NCKAP1: variants seen among roughly 807,000 people sequenced by gnomAD.
NCKAP1 encodes nck-associated protein 1.
In NCKAP1, 21 loss-of-function variants were observed where a neutral mutation model predicts 151.2. That is an observed-to-expected ratio of 0.14 (90% CI 0.10 to 0.20). NCKAP1 has a LOEUF of 0.20. Among genes scored for constraint, NCKAP1 ranks in the 10% least tolerant of loss-of-function variants. The pLI is 1.00. For missense variants in NCKAP1, 933 were observed against 1,352.1 expected (o/e 0.69, Z 4.86); for synonymous variants, 484 against 451.8 (o/e 1.07, Z -0.90).
intron 2 of NCKAP1, among the ~76,000 whole-genome samples, chr2:183,015,660 A>C (rs1027339790): frequency 6.6e-6 from 1 of 152,032 alleles, no homozygotes; most frequent in Non-Finnish European, 1.5e-5. Flanking sequence ...TTTAAGGCTA[A>C]ATATATTATT....
Position 182,934,160 on chromosome 2 carries a change from CGGA to C in NCKAP1, c.2859+589_2859+591del, listed in dbSNP as rs1696824062. 4.0e-5 allele frequency among the ~76,000 whole-genome samples: 6 copies of C among 150,868 alleles called. No homozygotes were observed. The South Asian group carries it at 1.3e-3, about 32-fold the overall frequency. On this transcript the variant is annotated intron_variant, in intron 26 of 30. Coordinates refer to ENST00000361354, the MANE Select transcript of NCKAP1 (RefSeq NM_013436.5). Reference sequence around the variant, plus strand: ...CTTCATCTTTCTTTTTTTTTTGAGACGGAGTCTCATTCTGTTGCCCAGGCTAGA... The same window carrying C: ...CTTCATCTTTCTTTTTTTTTTGAGACGTCTCATTCTGTTGCCCAGGCTAGA...
At chr2:183,016,235 T>A (rs1698685322) in intron 2 of NCKAP1, among the ~76,000 whole-genome samples, 1 of 152,100 alleles carries the variant, frequency 6.6e-6, no homozygotes, top group Non-Finnish European at 1.5e-5. Flanking sequence ...TGGGCAAAAA[T>A]AAAAAACAAA....
chr2:183,004,488 C>CAAAAAAAAAAAAAAAAAAAAAAAGAAA (rs34055584), intron 2 of NCKAP1, among the ~76,000 whole-genome samples: 1 of 78,822 alleles, frequency 1.3e-5, no homozygotes, highest in African/African-American at 4.0e-5. Context: ...AAACAGCAAG[C>CAAAAAAAAAAAAAAAAAAAAAAAGAAA]AAAAAAAAAA....
chr2:182,987,850 A>T (rs527747921), intron 9 of NCKAP1, among the ~76,000 whole-genome samples: 31 of 152,308 alleles, frequency 2.0e-4, no homozygotes, highest in African/African-American at 7.5e-4. Context: ...ATGGTGACAG[A>T]AATCAGAATA....
intron 24 of NCKAP1, among the ~76,000 whole-genome samples, chr2:182,938,765 G>A (rs992283065): frequency 2.0e-5 from 3 of 152,140 alleles, no homozygotes; most frequent in African/African-American, 7.2e-5. Flanking sequence ...ACAGCATAAG[G>A]GAGAATGCAC....
chr2:183,006,435 A>G (rs931653038), intron 2 of NCKAP1, among the ~76,000 whole-genome samples: 6 of 152,240 alleles, frequency 3.9e-5, no homozygotes. Flanking sequence ...TACCCATAGT[A>G]TTTCTAATAA....
In NCKAP1 at chr2:182,912,463, C is replaced by T. The variant is rs1315940415; in HGVS notation, c.*13239G>A. ...CCATCTTTTAGCACATTATAATAAT[C>T]CTGTTGTGCAGTACTCCTTTCCAAT... On this transcript the variant is annotated 3_prime_UTR_variant, in exon 31 of 31. Coordinates refer to ENST00000361354, the MANE Select transcript of NCKAP1 (RefSeq NM_013436.5). 6.6e-6 allele frequency: 1 copy of T among 152,134 alleles called. No individual in the cohort carries two copies. Among genetic ancestry groups the T allele is most frequent in the Non-Finnish European group, 1.5e-5 (1 of 68,030 alleles). The allele number at this position is 152,134 out of a possible 1,614,324, so 9.4% of individuals were successfully genotyped here.
At chr2:183,031,441 G>T (rs1699002279) in intron 1 of NCKAP1, among the ~76,000 whole-genome samples, 1 of 152,122 alleles carries the variant, frequency 6.6e-6, no homozygotes, top group African/African-American at 2.4e-5. Context: ...GGACTACTGT[G>T]GAACACATAC....
chr2:182,983,305 G>A lies in NCKAP1; in HGVS notation c.1082C>T (p.Pro361Leu). 6.2e-7 allele frequency: 1 copy of A among 1,610,290 alleles called. No individual in the cohort carries two copies. Among genetic ancestry groups the A allele is most frequent in the Non-Finnish European group, 8.5e-7 (1 of 1,176,798 alleles). The change falls in exon 11 of 31, where the codon CCT (proline) becomes CTT (leucine). Residue 361 changes from proline to leucine, a missense_variant. Pro to Leu is a moderately conservative substitution (Grantham distance 98). Transcript: ENST00000361354. ...AATTACCTTGGGACCTAGCAATCCA[G>A]GTTGATCAGAGAGGACAGTAGCCAA... Reference protein sequence around the residue: ...KELATVLSDQPGLLGPKALFV... With the variant: ...KELATVLSDQLGLLGPKALFV...
At position 182,952,398 on chromosome 2, in the gene NCKAP1, A is replaced by G. The variant is rs113141234; in HGVS notation, c.2601+7T>C. On this transcript the variant is annotated splice_region_variant and intron_variant, in intron 23 of 30. Transcript: ENST00000361354. The stretch of plus-strand genomic sequence containing the variant: ...TTAAAAGCTAAAATTAATAAAGACT[A>G]TATTACCTTAAGTTCAGCAACTTGT... 4 of 1,564,828 alleles carry G rather than the reference A, an allele frequency of 2.6e-6. No homozygotes were observed. Among genetic ancestry groups the G allele is most frequent in the African/African-American group, 1.4e-5 (1 of 73,278 alleles).
Position 182,921,068 on chromosome 2 carries a change from T to G in NCKAP1, c.*4634A>C, listed in dbSNP as rs1696543718. On this transcript the variant is annotated 3_prime_UTR_variant, in exon 31 of 31. Transcript: ENST00000361354. ...AAATCCCAGAGTTGAAGAAAACACT[T>G]TTAGTCAGTTACTAATGGAGAAAAA... 4 of 152,234 alleles carry G rather than the reference T, an allele frequency of 2.6e-5. No homozygotes were observed. In the South Asian group the frequency reaches 8.3e-4, roughly 32 times the overall value. 9.4% of individuals were successfully genotyped at this position (152,234 alleles called of 1,614,324 possible).
chr2:182,984,253 G>C (rs1266995734), intron 10 of NCKAP1, among the ~76,000 whole-genome samples: 1 of 151,802 alleles, frequency 6.6e-6, no homozygotes, highest in African/African-American at 2.4e-5. Context: ...AGAAAGATGG[G>C]GAAAGGAAGG....
At position 182,909,609 on chromosome 2, in the gene NCKAP1, C is replaced by T. The variant is rs1036392172; in HGVS notation, c.*16093G>A. On this transcript the variant is annotated 3_prime_UTR_variant, in exon 31 of 31. Transcript: ENST00000361354. ...GTTTTTTGATTCATTTGTTGATGGA[C>T]GCTCGGATTTACTGCCTTTTCTTGT... The T allele has an allele frequency of 2.6e-5, 4 of 152,124 alleles. No individual in the cohort carries two copies. The highest frequency in any genetic ancestry group is 4.4e-5 in the Non-Finnish European group (3 of 68,020). The allele number at this position is 152,124 out of a possible 1,614,324, so 9.4% of individuals were successfully genotyped here. A position where few individuals can be genotyped will look rare whatever the true frequency, so the allele number is the denominator to read the frequency against.
chr2:182,920,828 C>T lies in NCKAP1; in HGVS notation c.*4874G>A, dbSNP rs1696539670. Reference sequence around the variant, plus strand: ...GGCCAGGGGGACACAAACATTCAGACCACAGCACAAAGGTTAGGGACAACT... The same window carrying T: ...GGCCAGGGGGACACAAACATTCAGATCACAGCACAAAGGTTAGGGACAACT... On this transcript the variant is annotated 3_prime_UTR_variant, in exon 31 of 31. Coordinates refer to ENST00000361354, the MANE Select transcript of NCKAP1 (RefSeq NM_013436.5). 1.3e-5 allele frequency: 2 copies of T among 151,980 alleles called. No individual in the cohort carries two copies. Among genetic ancestry groups the T allele is most frequent in the African/African-American group, 4.8e-5 (2 of 41,364 alleles). The allele number at this position is 151,980 out of a possible 1,614,324, so 9.4% of individuals were successfully genotyped here.
Position 182,952,934 on chromosome 2 carries a change from A to G in NCKAP1, c.2373-11T>C. ...AAAGTTTCCAAATACCTAAGGAGAA[A>G]CGTAAACTTATAACCGGAAGAAACT... On this transcript the variant is annotated splice_polypyrimidine_tract_variant and intron_variant, in intron 21 of 30. Coordinates refer to ENST00000361354, the MANE Select transcript of NCKAP1 (RefSeq NM_013436.5). 10 of 1,604,626 alleles carry G rather than the reference A, an allele frequency of 6.2e-6. No homozygotes were observed. Among genetic ancestry groups the G allele is most frequent in the Non-Finnish European group, 8.5e-6 (10 of 1,176,822 alleles).
intron 2 of NCKAP1, among the ~76,000 whole-genome samples, chr2:183,015,523 G>A (rs934614382): frequency 2.4e-4 from 36 of 151,540 alleles, no homozygotes; most frequent in African/African-American, 8.5e-4. Context: ...ATGATTATAA[G>A]GCCAAATAAA....
At chr2:183,032,503 C>A (rs2705745) in intron 1 of NCKAP1, among the ~76,000 whole-genome samples, 1 of 151,908 alleles carries the variant, frequency 6.6e-6, no homozygotes, top group East Asian at 1.9e-4. Context: ...GCTACAAACC[C>A]GTACAATGAG....
At position 183,007,779 on chromosome 2, in the gene NCKAP1, A is replaced by T. The variant is rs915613845; in HGVS notation, c.220-4454T>A. Among the ~76,000 whole-genome samples the T allele has an allele frequency of 5.3e-5, 8 of 152,108 alleles. No individual in the cohort carries two copies. The East Asian group carries it at 1.5e-3, about 29-fold the overall frequency. ...AGTGCACTGAGATGCTATTTGGGTAAATCTCTGCCTAAACTGTCCCAGCTA... is the reference window on the plus strand; with the variant it reads ...AGTGCACTGAGATGCTATTTGGGTATATCTCTGCCTAAACTGTCCCAGCTA... On this transcript the variant is annotated intron_variant, in intron 2 of 30. Coordinates refer to ENST00000361354, the MANE Select transcript of NCKAP1 (RefSeq NM_013436.5).
At chr2:183,014,548 T>A (rs1698647795) in intron 2 of NCKAP1, among the ~76,000 whole-genome samples, 1 of 152,218 alleles carries the variant, frequency 6.6e-6, no homozygotes, top group Non-Finnish European at 1.5e-5. Context: ...ACTAACATAG[T>A]ATACTAGCCT....
Sources: gnomAD v4.1 joint callset for allele counts (sites outside exome capture counted in the v4.1 genomes callset) on GRCh38, gnomAD v4.1.1 for gene constraint, MANE v1.5 for transcripts, NCBI Gene and HGNC (gene_info 2026-07-23, HGNC 2026-07-21) for gene names.